RGS6: variants seen among roughly 807,000 people sequenced by gnomAD.
RGS6 encodes the protein regulator of G-protein signaling 6.
In RGS6, 30 loss-of-function variants were observed where a neutral mutation model predicts 78.5. That is an observed-to-expected ratio of 0.38 (90% CI 0.29 to 0.52). The LOEUF (loss-of-function observed/expected upper bound fraction) is 0.52. Ranked by LOEUF, RGS6 falls within the 20% of genes least tolerant of loss-of-function variation. RGS6 has a pLI of 0.85. For missense variants in RGS6, 495 were observed against 609.7 expected, an observed-to-expected ratio of 0.81 and a Z score of 1.98; for synonymous variants, 206 against 206.0, an observed-to-expected ratio of 1.00 and a Z score of 0.00.
chr14:72,589,154 C>T, the RGS6 span, among the ~76,000 whole-genome samples: 1 of 148,916 alleles, frequency 6.7e-6, no homozygotes, highest in East Asian at 1.9e-4. Context: ...GCCATTTCCA[C>T]CCATTAAATC....
chr14:72,425,471 A>G (rs1424296477), intron 3 of RGS6, among the ~76,000 whole-genome samples: 2 of 152,236 alleles, frequency 1.3e-5, no homozygotes, highest in Non-Finnish European at 2.9e-5. Flanking sequence ...TGAATTTCAG[A>G]TAAACTGTTA....
At chr14:72,340,549 G>A (rs2076805726) in intron 2 of RGS6, among the ~76,000 whole-genome samples, 1 of 152,156 alleles carries the variant, frequency 6.6e-6, no homozygotes, top group Admixed American at 6.5e-5. Context: ...TCCAGAGAAT[G>A]AGGTGGGCCA....
At chr14:72,561,384 G>A (rs2097674460) in intron 17 of RGS6, among the ~76,000 whole-genome samples, 1 of 152,212 alleles carries the variant, frequency 6.6e-6, no homozygotes, top group Admixed American at 6.5e-5. Flanking sequence ...TGGGTTTGGA[G>A]TGCTTTCCCA....
At chr14:72,145,172 T>A (rs1461571896) in intron 2 of RGS6, among the ~76,000 whole-genome samples, 1 of 152,112 alleles carries the variant, frequency 6.6e-6, no homozygotes, top group African/African-American at 2.4e-5. Context: ...AGTGATGTTA[T>A]CCCCAGGAGC....
chr14:72,369,963 T>C (rs1283897279), intron 3 of RGS6, among the ~76,000 whole-genome samples: 1 of 152,208 alleles, frequency 6.6e-6, no homozygotes, highest in African/African-American at 2.4e-5. Context: ...CTTTGATTTT[T>C]TCAGATTTTT....
chr14:72,138,273 C>T (rs2096479501), intron 2 of RGS6, among the ~76,000 whole-genome samples: 1 of 152,010 alleles, frequency 6.6e-6, no homozygotes, highest in Admixed American at 6.6e-5. Context: ...GTAAACTTGA[C>T]CAGGGAACCT....
At chr14:72,449,431 T>C (rs1011202974) in intron 3 of RGS6, among the ~76,000 whole-genome samples, 2 of 152,176 alleles carry the variant, frequency 1.3e-5, no homozygotes, top group African/African-American at 4.8e-5. Flanking sequence ...GGGGAGTGTT[T>C]TATACTAGGA....
chr14:71,867,852 A>G, the RGS6 span, among the ~76,000 whole-genome samples: 1 of 152,078 alleles, frequency 6.6e-6, no homozygotes, highest in Admixed American at 6.6e-5. Flanking sequence ...ATCACCAAGG[A>G]GCAAGGAGCC....
intron 15 of RGS6, among the ~76,000 whole-genome samples, chr14:72,523,432 A>C (rs1203948003): frequency 6.6e-6 from 1 of 152,172 alleles, no homozygotes; most frequent in African/African-American, 2.4e-5. Context: ...GATGGTTCTC[A>C]TAAACCCCCT....
intron 3 of RGS6, among the ~76,000 whole-genome samples, chr14:72,443,291 G>C (rs144065731): frequency 6.6e-6 from 1 of 152,324 alleles, no homozygotes; most frequent in East Asian, 1.9e-4. Flanking sequence ...CTGAGGTTCA[G>C]AGCACTATAC....
At chr14:72,137,167 A>G (rs375608179) in intron 2 of RGS6, among the ~76,000 whole-genome samples, 5 of 152,340 alleles carry the variant, frequency 3.3e-5, no homozygotes, top group East Asian at 1.9e-4. Flanking sequence ...CTGGGTATCA[A>G]GCAAGGTTTC....
intron 2 of RGS6, among the ~76,000 whole-genome samples, chr14:72,076,108 G>A (rs990297348): frequency 3.9e-5 from 6 of 152,166 alleles, no homozygotes; most frequent in African/African-American, 4.8e-5. Context: ...TCTTTACAGC[G>A]TTTACATTTT....
intron 2 of RGS6, among the ~76,000 whole-genome samples, chr14:72,064,744 A>G (rs542152948): frequency 6.6e-6 from 1 of 152,376 alleles, no homozygotes; most frequent in South Asian, 2.1e-4. Flanking sequence ...AGCTTTTGAG[A>G]GATCGTTGGA....
At chr14:72,228,030 C>T (rs1567522837) in intron 2 of RGS6, among the ~76,000 whole-genome samples, 1 of 152,026 alleles carries the variant, frequency 6.6e-6, no homozygotes, top group Admixed American at 6.6e-5. Context: ...GTAGGATTCC[C>T]CAAGGGGAAC....
intron 2 of RGS6, among the ~76,000 whole-genome samples, chr14:72,090,401 A>G (rs1222032122): frequency 6.6e-6 from 1 of 152,194 alleles, no homozygotes; most frequent in Non-Finnish European, 1.5e-5. Flanking sequence ...CAGCAGCAGC[A>G]TTGGAGTCTC....
At chr14:72,626,070 G>GT in the RGS6 span, among the ~76,000 whole-genome samples, 1 of 152,058 alleles carries the variant, frequency 6.6e-6, no homozygotes, top group East Asian at 1.9e-4. Context: ...TCACTCTTCG[G>GT]TATAGTTACA....
intron 3 of RGS6, among the ~76,000 whole-genome samples, chr14:72,439,930 G>C (rs2153200238): frequency 6.6e-6 from 1 of 152,288 alleles, no homozygotes; most frequent in South Asian, 2.1e-4. Context: ...CATTCGACCT[G>C]AGGTTGGAAA....
chr14:71,952,472 CT>C (rs1271900291), intron 1 of RGS6, among the ~76,000 whole-genome samples: 7 of 151,588 alleles, frequency 4.6e-5, no homozygotes, highest in Non-Finnish European at 7.4e-5. Flanking sequence ...CCATATCTAC[CT>C]TTCTAGATTT....
At chr14:72,623,119 CAT>C in the RGS6 span, among the ~76,000 whole-genome samples, 10 of 152,150 alleles carry the variant, frequency 6.6e-5, no homozygotes, top group African/African-American at 1.7e-4. Flanking sequence ...TATACACACA[CAT>C]GTTTACATTT....
Sources: gnomAD v4.1 joint callset for allele counts (sites outside exome capture counted in the v4.1 genomes callset) on GRCh38, gnomAD v4.1.1 for gene constraint, MANE v1.5 for transcripts, NCBI Gene and HGNC (gene_info 2026-07-23, HGNC 2026-07-21) for gene names.